Variants in PPTC7 observed in about 807,000 individuals in gnomAD.
PPTC7 encodes the protein protein phosphatase targeting COQ7, also known as protein phosphatase PTC7 homolog.
A neutral mutation model predicts 30.8 loss-of-function variants in PPTC7; 6 were observed. That is an observed-to-expected ratio of 0.19 (90% confidence interval 0.11 to 0.38). The LOEUF (loss-of-function observed/expected upper bound fraction) is 0.38, where lower values mean the gene tolerates loss of function less well. Ranked by LOEUF, PPTC7 falls within the 10% of genes least tolerant of loss-of-function variation. The pLI is 1.00. For synonymous variants in PPTC7, 163 were observed against 168.1 expected (o/e 0.97, Z 0.23); for missense variants, 218 against 404.8 (o/e 0.54, Z 3.96).
At chr12:110,548,937 A>G (rs2064331716) in intron 2 of PPTC7, among the ~76,000 whole-genome samples, 1 of 152,192 alleles carries the variant, frequency 6.6e-6, no homozygotes, top group African/African-American at 2.4e-5. Flanking sequence ...TATTGGGAGA[A>G]GAGCTAATCA....
chr12:110,579,412 A>G (rs912171913), intron 1 of PPTC7, among the ~76,000 whole-genome samples: 1 of 152,134 alleles, frequency 6.6e-6, no homozygotes, highest in Non-Finnish European at 1.5e-5. Flanking sequence ...TTTTGGTCAC[A>G]TCAGCTACCA....
intron 3 of PPTC7, 38 bp downstream of exon 3, chr12:110,545,842 C>A: frequency 6.3e-7 from 1 of 1,594,506 alleles, no homozygotes; most frequent in African/African-American, 1.3e-5. Context: ...GAATGAGCCA[C>A]GTCCTGCTCA....
rs143419451 is a variant in PPTC7, at chr12:110,556,730, C to T, written c.224-4762G>A. Among the ~76,000 whole-genome samples, 106 of 152,306 alleles carry T rather than the reference C, an allele frequency of 7.0e-4. 1 individual carries two copies. The highest frequency in any genetic ancestry group is 1.3e-3 in the Non-Finnish European group (86 of 68,028). On this transcript the variant is annotated intron_variant, in intron 1 of 5. Transcript: ENST00000354300. ...GGACCACCACATTGTGCATGCTGCG[C>T]TAGGAAATAAGACGGCTGAGAAAGC...
intron 2 of PPTC7, among the ~76,000 whole-genome samples, chr12:110,550,749 T>G (rs2064344164): frequency 6.6e-6 from 1 of 152,164 alleles, no homozygotes; most frequent in African/African-American, 2.4e-5. Context: ...AATACTTGGT[T>G]TTAAGTTTTC....
chr12:110,565,805 G>A (rs1405816844), intron 1 of PPTC7, among the ~76,000 whole-genome samples: 1 of 152,176 alleles, frequency 6.6e-6, no homozygotes, highest in African/African-American at 2.4e-5. Context: ...GGGGAGGACA[G>A]TTTAGGGAGA....
chr12:110,537,258 AAC>A (rs1184954237), intron 5 of PPTC7, among the ~76,000 whole-genome samples, 163 bp from the exon 6 acceptor site: 2 of 152,312 alleles, frequency 1.3e-5, no homozygotes, highest in East Asian at 1.9e-4. Context: ...ATTAAAAAAA[AAC>A]AGTTAAACAA....
Position 110,552,213 on chromosome 12 carries a change from T to C in PPTC7, c.224-245A>G, listed in dbSNP as rs139129634. ...ACTTTTGAGCTACCACAGGGTGGCA[T>C]TGCCTACCAGCCAAGAGTTCAATTT... On this transcript the variant is annotated intron_variant, in intron 1 of 5. Coordinates refer to ENST00000354300, the MANE Select transcript of PPTC7 (RefSeq NM_139283.2). 3.8e-3 allele frequency among the ~76,000 whole-genome samples: 572 copies of C among 152,358 alleles called. 1 individual carries two copies. The highest frequency in any genetic ancestry group is 0.012 in the African/African-American group (503 of 41,586).
At chr12:110,575,322 T>C (rs963638464) in intron 1 of PPTC7, among the ~76,000 whole-genome samples, 3 of 152,092 alleles carry the variant, frequency 2.0e-5, no homozygotes, top group Admixed American at 6.6e-5. Flanking sequence ...GCAAAGCATT[T>C]TCCTAAAACT....
intron 1 of PPTC7, among the ~76,000 whole-genome samples, chr12:110,574,938 C>G (rs1388560220): frequency 6.7e-6 from 1 of 148,510 alleles, no homozygotes; most frequent in Admixed American, 6.7e-5. Context: ...GCCACCATGC[C>G]CGGCTTTTTT....
chr12:110,543,724 C>A (rs1250256785), intron 3 of PPTC7, among the ~76,000 whole-genome samples: 1 of 152,224 alleles, frequency 6.6e-6, no homozygotes, highest in African/African-American at 2.4e-5. Flanking sequence ...GTTCTGCCAG[C>A]TGCAGTTTTG....
At chr12:110,575,916 T>G (rs187578803) in intron 1 of PPTC7, among the ~76,000 whole-genome samples, 2 of 152,240 alleles carry the variant, frequency 1.3e-5, no homozygotes, top group Non-Finnish European at 2.9e-5. Context: ...ATAAGTAACT[T>G]ATAAAACTGC....
chr12:110,541,020 C>T (rs2064255059), intron 3 of PPTC7, among the ~76,000 whole-genome samples: 1 of 151,532 alleles, frequency 6.6e-6, no homozygotes, highest in Non-Finnish European at 1.5e-5. Flanking sequence ...CGTGATCTGC[C>T]CGCCTTGGCC....
Position 110,582,980 on chromosome 12 carries a change from C to T in PPTC7, c.52G>A (p.Gly18Ser). Residue 18 changes from glycine to serine, a missense_variant, in exon 1 of 6, where the codon GGC becomes AGC. Physicochemically the swap from Gly to Ser is moderately conservative, Grantham distance 56 (BLOSUM62 0). Coordinates refer to ENST00000354300, the MANE Select transcript of PPTC7 (RefSeq NM_139283.2). Reference sequence around the variant, plus strand: ...GCCCTGGGGTCGGTCTGCGAGAGGCCGCCGAGCACGGCGCGGGCCACCAGC... The same window carrying T: ...GCCCTGGGGTCGGTCTGCGAGAGGCTGCCGAGCACGGCGCGGGCCACCAGC... ...GRLVARAVLG[G>S]LSQTDPRAGG... 2 of 1,524,900 alleles carry T rather than the reference C, an allele frequency of 1.3e-6. No individual in the cohort carries two copies. Among genetic ancestry groups the T allele is most frequent in the Non-Finnish European group, 8.8e-7 (1 of 1,136,804 alleles). 94.5% of individuals were successfully genotyped at this position (1,524,900 alleles called of 1,614,324 possible).
intron 5 of PPTC7, among the ~76,000 whole-genome samples, chr12:110,537,923 C>T (rs1410210532): frequency 2.0e-5 from 3 of 152,206 alleles, no homozygotes; most frequent in Non-Finnish European, 4.4e-5. Flanking sequence ...TTCCACCTGC[C>T]TCTGCCGCCA....
intron 1 of PPTC7, among the ~76,000 whole-genome samples, chr12:110,571,810 T>C (rs1467101550): frequency 3.3e-5 from 5 of 152,092 alleles, no homozygotes; most frequent in Admixed American, 2.6e-4. Context: ...AATGACAGGA[T>C]CAAAATGGCC....
Position 110,581,192 on chromosome 12 carries a change from G to A in PPTC7, c.223+1617C>T, listed in dbSNP as rs541900063. Among the ~76,000 whole-genome samples the A allele has an allele frequency of 2.3e-3, 351 of 152,232 alleles. 1 individual carries two copies. The highest frequency in any genetic ancestry group is 8.0e-3 in the African/African-American group (334 of 41,516). On this transcript the variant is annotated intron_variant, in intron 1 of 5. Coordinates refer to ENST00000354300, the MANE Select transcript of PPTC7 (RefSeq NM_139283.2). ...GGGCGGCCGAGGCGAACACGAGGCC[G>A]ATCACGAGGTCAGGAGTTCGAGACC...
intron 1 of PPTC7, among the ~76,000 whole-genome samples, chr12:110,564,836 T>TTTTA (rs386377743): frequency 3.1e-5 from 2 of 65,372 alleles, no homozygotes; most frequent in East Asian, 4.3e-4. Flanking sequence ...TACATACACG[T>TTTTA]TATATATATA....
chr12:110,544,771 T>C lies in PPTC7; in HGVS notation c.602+1109A>G, dbSNP rs867154492. Reference sequence around the variant, plus strand: ...ATCGCTTGAACCAGGAGGCGGAGGTTGCAGTGAGCTGAGATCATGCCATTG... The same window carrying C: ...ATCGCTTGAACCAGGAGGCGGAGGTCGCAGTGAGCTGAGATCATGCCATTG... On this transcript the variant is annotated intron_variant, in intron 3 of 5. Transcript: ENST00000354300. 2.6e-4 allele frequency among the ~76,000 whole-genome samples: 39 copies of C among 152,122 alleles called. 1 individual carries two copies. Among genetic ancestry groups the C allele is most frequent in the African/African-American group, 8.4e-4 (35 of 41,494 alleles).
intron 1 of PPTC7, among the ~76,000 whole-genome samples, chr12:110,555,206 T>C (rs545079081): frequency 6.6e-6 from 1 of 152,254 alleles, no homozygotes; most frequent in African/African-American, 2.4e-5. Context: ...GGAAACAGAA[T>C]TGGAAGACAT....
Sources: allele counts gnomAD v4.1 joint callset (sites outside exome capture counted in the v4.1 genomes callset), GRCh38; gene constraint gnomAD v4.1.1; transcripts MANE v1.5; gene names NCBI Gene and HGNC (gene_info 2026-07-23, HGNC 2026-07-21).